PASK: variants seen among roughly 807,000 people sequenced by gnomAD.
PASK encodes the protein PAS domain containing serine/threonine kinase.
In PASK, 110 loss-of-function variants were observed where a neutral mutation model predicts 121.0. The observed-to-expected ratio is 0.91, with a 90% confidence interval of 0.78 to 1.06. The LOEUF is 1.06. Ranked by LOEUF, PASK falls within the 50% of genes least tolerant of loss-of-function variation. The pLI is 0.00. For missense variants in PASK, 1,643 were observed against 1,702.3 expected (o/e 0.97, Z 0.61); for synonymous variants, 686 against 717.8 (o/e 0.96, Z 0.71).
chr2:241,138,677 TCGAGACCCTCTCCACGGGCTCCAGGA>T lies in PASK; in HGVS notation c.692_717del (p.Val231AspfsTer15). The stretch of plus-strand genomic sequence containing the variant: ...ACATCGCTCTGGAAAGCGACCCAGG[TCGAGACCCTCTCCACGGGCTCCAGGA>T]CCACCACGCAGCATAGGCGGCGCTC... On this transcript the variant is annotated frameshift_variant, in exon 5 of 18. Transcript: ENST00000234040. LOFTEE classifies it high-confidence loss of function. 6.2e-7 allele frequency: 1 copy of T among 1,614,060 alleles called. No homozygotes were observed. Among genetic ancestry groups the T allele is most frequent in the Non-Finnish European group, 8.5e-7 (1 of 1,180,042 alleles).
chr2:241,126,739 G>A lies in PASK; in HGVS notation c.2176C>T (p.Leu726=). Residue 726 remains leucine, a synonymous_variant, in exon 10 of 18, where the codon CTG becomes TTG. Transcript: ENST00000234040. ...ACCTCCTGGGCCTCCACTGCTTCCA[G>A]GCCCCCAGGGAGGTCCGTGGCCAAG... ...YALATDLPGG[L]EAVEAQEVDV... The A allele has an allele frequency of 6.2e-7, 1 of 1,614,122 alleles. No homozygotes were observed. The highest frequency in any genetic ancestry group is 8.5e-7 in the Non-Finnish European group (1 of 1,180,046).
At chr2:241,145,470 A>G (rs1378078201) in intron 1 of PASK, among the ~76,000 whole-genome samples, 2 of 152,222 alleles carry the variant, frequency 1.3e-5, no homozygotes, top group African/African-American at 4.8e-5. Flanking sequence ...CAAATAAAAT[A>G]TAAAATAAAA....
At chr2:241,107,578 AC>A (rs34577714) in intron 16 of PASK, 79 bp from the exon 17 acceptor site, 187,273 of 1,388,254 alleles carry the variant, frequency 0.13, 22,061 homozygotes, top group African/African-American at 0.5. Flanking sequence ...GGTGCTCACC[AC>A]CCCCCCGCAG....
At chr2:241,132,424 G>A (rs561980235) in intron 9 of PASK, among the ~76,000 whole-genome samples, 1 of 147,932 alleles carries the variant, frequency 6.8e-6, no homozygotes. Context: ...GGCTGAGGCA[G>A]GAGAATGGTG....
chr2:241,146,209 C>G (rs865822165), intron 1 of PASK, among the ~76,000 whole-genome samples: 12 of 152,250 alleles, frequency 7.9e-5, no homozygotes, highest in Non-Finnish European at 1.5e-4. Context: ...ACTAAGTCAG[C>G]AGAAATGAAG....
At chr2:241,135,755 C>A in intron 8 of PASK, 116 bp downstream of exon 8, 2 of 966,424 alleles carry the variant, frequency 2.1e-6, no homozygotes, top group Non-Finnish European at 3.3e-6. Flanking sequence ...CCCCCCACCA[C>A]CCCTGAGCCT....
intron 12 of PASK, among the ~76,000 whole-genome samples, chr2:241,119,246 C>T (rs925499389): frequency 6.6e-6 from 1 of 152,224 alleles, no homozygotes; most frequent in Non-Finnish European, 1.5e-5. Flanking sequence ...GAGGCCCAAA[C>T]TGTCTTTTCT....
Position 241,106,494 on chromosome 2 carries a change from T to G in PASK, c.*72A>C, listed in dbSNP as rs761573627. 178 of 1,523,816 alleles carry G rather than the reference T, an allele frequency of 1.2e-4. No individual in the cohort carries two copies. The highest frequency in any genetic ancestry group is 1.5e-4 in the Non-Finnish European group (168 of 1,098,380). 94.4% of individuals were successfully genotyped at this position (1,523,816 alleles called of 1,614,324 possible). ...TGGGGATGCTTCAGAATGTATTTTC[T>G]CCAAACAGATGGAGCCTGAAAACTG... On this transcript the variant is annotated 3_prime_UTR_variant, in exon 18 of 18. Coordinates refer to ENST00000234040, the MANE Select transcript of PASK (RefSeq NM_015148.4).
chr2:241,131,680 A>G (rs2066140754), intron 9 of PASK, among the ~76,000 whole-genome samples: 1 of 152,154 alleles, frequency 6.6e-6, no homozygotes, highest in African/African-American at 2.4e-5. Context: ...GAAGGGACCC[A>G]GGGTCTGCAG....
At chr2:241,132,008 A>C (rs2125438619) in intron 9 of PASK, among the ~76,000 whole-genome samples, 2 of 146,692 alleles carry the variant, frequency 1.4e-5, no homozygotes, top group South Asian at 2.2e-4. Context: ...AACCAAGATC[A>C]CGCCACTGCA....
intron 2 of PASK, among the ~76,000 whole-genome samples, 188 bp downstream of exon 2, chr2:241,142,649 A>G (rs968034215): frequency 6.6e-6 from 1 of 152,240 alleles, no homozygotes. Flanking sequence ...ATCACAGCAG[A>G]GTAAAAGCAG....
At chr2:241,130,733 G>C (rs2066087658) in intron 9 of PASK, among the ~76,000 whole-genome samples, 1 of 152,182 alleles carries the variant, frequency 6.6e-6, no homozygotes, top group Non-Finnish European at 1.5e-5. Flanking sequence ...AAATCAGGGA[G>C]GCTAAGCAAA....
chr2:241,142,145 T>C (rs2066729602), intron 2 of PASK, among the ~76,000 whole-genome samples: 1 of 151,958 alleles, frequency 6.6e-6, no homozygotes, highest in African/African-American at 2.4e-5. Context: ...GACACTCCAG[T>C]GCACAAGCTC....
intron 2 of PASK, 27 bp from the exon 3 acceptor site, chr2:241,140,780 T>G: frequency 6.7e-7 from 1 of 1,483,154 alleles, no homozygotes; most frequent in African/African-American, 1.4e-5. Flanking sequence ...AGCGAAGCTT[T>G]AGACTTCACA....
At chr2:241,140,178 T>C (rs1219338900) in intron 3 of PASK, 123 bp from the exon 4 acceptor site, 1 of 815,902 alleles carries the variant, frequency 1.2e-6, no homozygotes, top group Non-Finnish European at 2.1e-6. Context: ...TCTCACTCTG[T>C]TGCCCAGGCT....
intron 1 of PASK, among the ~76,000 whole-genome samples, chr2:241,147,908 C>T (rs984631821): frequency 2.6e-5 from 4 of 152,158 alleles, no homozygotes; most frequent in African/African-American, 4.8e-5. Flanking sequence ...TCCTTTTTCC[C>T]GCTGTGCCTC....
chr2:241,150,301 C>G, upstream of PASK: 3 of 1,321,758 alleles, frequency 2.3e-6, no homozygotes, highest in Non-Finnish European at 2.9e-6. Flanking sequence ...CCTGAAATTA[C>G]CTGCTCTGGG....
rs769408829 is a variant in PASK at position 241,149,439 on chromosome 2, G to A, written c.-68C>T. 1 of 561,154 alleles carries A rather than the reference G, an allele frequency of 1.8e-6. No individual in the cohort carries two copies. The highest frequency in any genetic ancestry group is 3.2e-6 in the Non-Finnish European group (1 of 316,608). The allele number at this position is 561,154 out of a possible 1,614,324, so 34.8% of individuals were successfully genotyped here. On this transcript the variant is annotated 5_prime_UTR_variant, in exon 1 of 18. Coordinates refer to ENST00000234040, the MANE Select transcript of PASK (RefSeq NM_015148.4). ...CTGGATCAGGCGAGGGTCACGCCAAGCCGGCTACACACCACGGAAAGGAGC... is the reference window on the plus strand; with the variant it reads ...CTGGATCAGGCGAGGGTCACGCCAAACCGGCTACACACCACGGAAAGGAGC...
intron 14 of PASK, chr2:241,114,102 ACT>A: frequency 2.0e-6 from 2 of 985,138 alleles, no homozygotes; most frequent in Non-Finnish European, 2.4e-6. Flanking sequence ...TCATACAGAT[ACT>A]CTGTTTGCTG....
Sources: gnomAD v4.1 joint callset for allele counts (sites outside exome capture counted in the v4.1 genomes callset) on GRCh38, gnomAD v4.1.1 for gene constraint, MANE v1.5 for transcripts, NCBI Gene and HGNC (gene_info 2026-07-23, HGNC 2026-07-21) for gene names.